Variants in MTHFSD observed in about 807,000 individuals in gnomAD.
MTHFSD encodes methenyltetrahydrofolate synthetase domain containing.
A neutral mutation model predicts 31.1 loss-of-function variants in MTHFSD; 37 were observed. That is an observed-to-expected ratio of 1.19 (90% confidence interval 0.91 to 1.56). MTHFSD has a LOEUF of 1.56. Ranked by LOEUF, MTHFSD falls within the 40% of genes most tolerant of loss-of-function variation. The pLI is 0.00. For synonymous variants in MTHFSD, 221 were observed against 206.9 expected (o/e 1.07, Z -0.59); for missense variants, 664 against 510.1 (o/e 1.30, Z -2.91).
At chr16:86,539,297 C>A (rs1971149746) in intron 7 of MTHFSD, among the ~76,000 whole-genome samples, 1 of 152,178 alleles carries the variant, frequency 6.6e-6, no homozygotes, top group African/African-American at 2.4e-5. Flanking sequence ...GTGCAGGACC[C>A]CATCTTGGCT....
intron 3 of MTHFSD, among the ~76,000 whole-genome samples, chr16:86,551,414 A>T (rs1485996633): frequency 1.3e-5 from 2 of 152,188 alleles, no homozygotes; most frequent in Non-Finnish European, 2.9e-5. Flanking sequence ...AAAGAACTAA[A>T]TCTTCCTTGT....
chr16:86,554,796 G>C (rs748575108), intron 1 of MTHFSD, 45 bp from the exon 2 acceptor site: 1 of 1,536,886 alleles, frequency 6.5e-7, no homozygotes, highest in African/African-American at 1.4e-5. Flanking sequence ...AGGAATTCCA[G>C]AGCCCATGCT....
At chr16:86,552,332 C>G (rs183109438) in intron 2 of MTHFSD, 186 bp from the exon 3 acceptor site, 3 of 1,496,732 alleles carry the variant, frequency 2.0e-6, no homozygotes, top group Non-Finnish European at 2.7e-6. Context: ...AAGGACAGCA[C>G]GCTCTCAGGC....
intron 7 of MTHFSD, among the ~76,000 whole-genome samples, chr16:86,539,190 G>A (rs1429548356): frequency 6.6e-6 from 1 of 152,186 alleles, no homozygotes; most frequent in African/African-American, 2.4e-5. Flanking sequence ...ATGGTCACAG[G>A]CGGTATGGAG....
intron 7 of MTHFSD, chr16:86,535,183 G>A: frequency 2.1e-6 from 2 of 939,222 alleles, no homozygotes; most frequent in Middle Eastern, 1.1e-3. Flanking sequence ...GGCGGCCAGG[G>A]CACTGGCACA....
chr16:86,535,189 G>C, intron 7 of MTHFSD: 1 of 910,160 alleles, frequency 1.1e-6, no homozygotes, highest in Non-Finnish European at 1.3e-6. Flanking sequence ...CAGGGCACTG[G>C]CACACTGGCA....
Position 86,531,971 on chromosome 16 carries a change from G to A in MTHFSD, c.*40C>T, listed in dbSNP as rs1377501456. Reference sequence around the variant, plus strand: ...CGGAACCGGAGCGGCAGGGGACGGGGATGGCGAGTCTGCAGTGAGCTCCGT... The same window carrying A: ...CGGAACCGGAGCGGCAGGGGACGGGAATGGCGAGTCTGCAGTGAGCTCCGT... On this transcript the variant is annotated 3_prime_UTR_variant, in exon 8 of 8. Coordinates refer to ENST00000360900, the MANE Select transcript of MTHFSD (RefSeq NM_001159377.2). The surrounding 1 kb of genome is among the most constrained non-coding windows in gnomAD (Gnocchi z 5.5). 2.2e-6 allele frequency: 3 copies of A among 1,340,800 alleles called. No homozygotes were observed. Among genetic ancestry groups the A allele is most frequent in the Non-Finnish European group, 1.9e-6 (2 of 1,028,498 alleles). The allele number at this position is 1,340,800 out of a possible 1,614,324, so 83.1% of individuals were successfully genotyped here.
At chr16:86,554,065 G>T (rs1010738976) in intron 2 of MTHFSD, among the ~76,000 whole-genome samples, 1 of 152,154 alleles carries the variant, frequency 6.6e-6, no homozygotes, top group South Asian at 2.1e-4. Context: ...TGTGGGTGGG[G>T]CCAGATAAGA....
In MTHFSD at chr16:86,541,567, A is replaced by T. The variant is rs1971518202; in HGVS notation, c.681+130T>A. 3 of 1,329,328 alleles carry T rather than the reference A, an allele frequency of 2.3e-6. No homozygotes were observed. In the African/African-American group the frequency reaches 4.4e-5, roughly 19 times the overall value. The allele number at this position is 1,329,328 out of a possible 1,614,324, so 82.3% of individuals were successfully genotyped here. Reference sequence around the variant, plus strand: ...GGTCATTCAGGAGCCAAATTGCTCAAAAGCTCCTTGGGTGATTCTAACATA... The same window carrying T: ...GGTCATTCAGGAGCCAAATTGCTCATAAGCTCCTTGGGTGATTCTAACATA... On this transcript the variant is annotated intron_variant, in intron 7 of 7. Transcript: ENST00000360900.
chr16:86,541,918 A>G, intron 6 of MTHFSD, 96 bp from the exon 7 acceptor site: 1 of 1,532,632 alleles, frequency 6.5e-7, no homozygotes, highest in Non-Finnish European at 8.9e-7. Flanking sequence ...TGGCTAGAGA[A>G]GCACCCCCAA....
Position 86,530,649 on chromosome 16 carries a change from G to C in MTHFSD, c.*1362C>G, listed in dbSNP as rs1969915690. 1.3e-5 allele frequency: 2 copies of C among 152,024 alleles called. No individual in the cohort carries two copies. The highest frequency in any genetic ancestry group is 2.4e-5 in the African/African-American group (1 of 41,364). The allele number at this position is 152,024 out of a possible 1,614,324, so 9.4% of individuals were successfully genotyped here. A position where few individuals can be genotyped will look rare whatever the true frequency, so the allele number is the denominator to read the frequency against. ...AAAAAATAAGAATCTTTCAGAAAAA[G>C]AAGTATTTTTTAAAAAAAGAGAGAA... On this transcript the variant is annotated 3_prime_UTR_variant, in exon 8 of 8. Coordinates refer to ENST00000360900, the MANE Select transcript of MTHFSD (RefSeq NM_001159377.2).
intron 7 of MTHFSD, among the ~76,000 whole-genome samples, chr16:86,537,148 A>G (rs1248170953): frequency 6.6e-6 from 1 of 152,230 alleles, no homozygotes; most frequent in African/African-American, 2.4e-5. Context: ...ATTGTTGATT[A>G]TAAAATTAGT....
chr16:86,550,484 G>C (rs376791754), intron 3 of MTHFSD, among the ~76,000 whole-genome samples: 1 of 152,160 alleles, frequency 6.6e-6, no homozygotes, highest in African/African-American at 2.4e-5. Context: ...CTTCACACTT[G>C]CAAGGACTGG....
At chr16:86,552,372 A>G (rs564410097) in intron 2 of MTHFSD, 330 of 1,253,820 alleles carry the variant, frequency 2.6e-4, no homozygotes, top group Non-Finnish European at 3.1e-4. Context: ...TCGGCCCAGA[A>G]TCTCACCCAG....
chr16:86,545,192 C>T (rs866034808), intron 5 of MTHFSD, among the ~76,000 whole-genome samples: 5 of 152,112 alleles, frequency 3.3e-5, no homozygotes, highest in African/African-American at 1.2e-4. Context: ...GCACATCCTA[C>T]ACATGTATCC....
At chr16:86,554,214 C>T (rs1487895740) in intron 2 of MTHFSD, among the ~76,000 whole-genome samples, 1 of 152,218 alleles carries the variant, frequency 6.6e-6, no homozygotes, top group African/African-American at 2.4e-5. Flanking sequence ...CTGCAACACT[C>T]TCTGCTAAGG....
intron 5 of MTHFSD, among the ~76,000 whole-genome samples, chr16:86,546,017 C>A (rs1972246130): frequency 6.6e-6 from 1 of 152,234 alleles, no homozygotes; most frequent in Non-Finnish European, 1.5e-5. Flanking sequence ...GGCCCCCTGG[C>A]CTTGTGGACC....
chr16:86,539,745 C>G (rs144385727), intron 7 of MTHFSD, among the ~76,000 whole-genome samples: 2 of 152,284 alleles, frequency 1.3e-5, no homozygotes, highest in Non-Finnish European at 1.5e-5. Context: ...GGCAGGACGT[C>G]AACTACTGGA....
chr16:86,549,956 C>A (rs1023643108), intron 3 of MTHFSD, among the ~76,000 whole-genome samples: 21 of 151,958 alleles, frequency 1.4e-4, no homozygotes, highest in Admixed American at 3.3e-4. Context: ...GTAGCTGTGG[C>A]TTGAGGTTGT....
Sources: gnomAD v4.1 joint callset for allele counts (sites outside exome capture counted in the v4.1 genomes callset) on GRCh38, gnomAD v4.1.1 for gene constraint, Gnocchi (gnomAD v3.1) non-coding constraint, MANE v1.5 for transcripts, NCBI Gene and HGNC (gene_info 2026-07-23, HGNC 2026-07-21) for gene names.